The following SYT16 variants were observed in gnomAD, a reference collection of about 807,000 sequenced individuals.
SYT16 encodes the protein synaptotagmin 16, also known as synaptotagmin-16.
A neutral mutation model predicts 61.4 loss-of-function variants in SYT16; 42 were observed. That is an observed-to-expected ratio of 0.68 (90% confidence interval 0.53 to 0.89). The LOEUF is 0.89. Among genes scored for constraint, SYT16 ranks in the 40% least tolerant of loss-of-function variants. The probability of loss-of-function intolerance (pLI) is 0.00; values close to 1 mark genes in which losing one functional copy is unlikely to be tolerated. For missense variants in SYT16, 804 were observed against 807.3 expected (o/e 1.00, Z 0.05); for synonymous variants, 314 against 302.3 (o/e 1.04, Z -0.40).
intron 7 of SYT16, among the ~76,000 whole-genome samples, chr14:62,097,451 G>T (rs893173912): frequency 6.6e-6 from 1 of 152,144 alleles, no homozygotes; most frequent in Non-Finnish European, 1.5e-5. Flanking sequence ...TCTCCATTCA[G>T]TCTGACTGGT....
intron 1 of SYT16, among the ~76,000 whole-genome samples, chr14:61,935,736 A>C (rs573309753): frequency 6.6e-6 from 1 of 152,254 alleles, no homozygotes; most frequent in Admixed American, 6.5e-5. Flanking sequence ...AGTTAGAAGG[A>C]TGTTTCTGGT....
intron 3 of SYT16, among the ~76,000 whole-genome samples, chr14:62,035,681 T>C (rs1323389336): frequency 6.6e-6 from 1 of 152,184 alleles, no homozygotes; most frequent in Non-Finnish European, 1.5e-5. Flanking sequence ...CACTTTCCTA[T>C]AAAAGTTGGG....
At chr14:62,086,615 T>C (rs1162079214) in intron 7 of SYT16, among the ~76,000 whole-genome samples, 1 of 152,228 alleles carries the variant, frequency 6.6e-6, no homozygotes, top group African/African-American at 2.4e-5. Flanking sequence ...CTGTAATACA[T>C]GCAAAACTGT....
At chr14:62,085,795 G>T (rs1289031285) in intron 7 of SYT16, among the ~76,000 whole-genome samples, 1 of 152,180 alleles carries the variant, frequency 6.6e-6, no homozygotes. Flanking sequence ...GGGCTATTTA[G>T]AATGCATAAT....
chr14:61,972,416 TAAC>T (rs1229976135), intron 2 of SYT16, among the ~76,000 whole-genome samples: 1 of 152,156 alleles, frequency 6.6e-6, no homozygotes, highest in Non-Finnish European at 1.5e-5. Context: ...GTTGAAACAA[TAAC>T]AATAAAGCAT....
At chr14:61,913,703 T>TG (rs1385303321) in intron 1 of SYT16, among the ~76,000 whole-genome samples, 19 of 125,256 alleles carry the variant, frequency 1.5e-4, no homozygotes, top group East Asian at 1.2e-3. Context: ...TCTTTGGGTC[T>TG]TTGTGTGTGT....
chr14:61,856,427 A>G (rs1431964481), intron 1 of SYT16, among the ~76,000 whole-genome samples: 1 of 152,196 alleles, frequency 6.6e-6, no homozygotes, highest in African/African-American at 2.4e-5. Flanking sequence ...CACATATACT[A>G]TTTAATACAT....
intron 1 of SYT16, among the ~76,000 whole-genome samples, chr14:61,840,398 G>C (rs2046268871): frequency 6.6e-6 from 1 of 152,132 alleles, no homozygotes; most frequent in Non-Finnish European, 1.5e-5. Flanking sequence ...AGAGTGAGTA[G>C]AGTAAGGAGA....
intron 1 of SYT16, chr14:61,832,260 G>A: frequency 3.3e-6 from 2 of 601,798 alleles, no homozygotes; most frequent in South Asian, 1.4e-5. Flanking sequence ...ATCCACATAA[G>A]CTGGGAGCGC....
At chr14:61,906,787 G>GTCCATCCATCCGTCCGTCCGTCCATCCA (rs2048737167) in intron 1 of SYT16, among the ~76,000 whole-genome samples, 1 of 142,316 alleles carries the variant, frequency 7.0e-6, no homozygotes, top group African/African-American at 2.7e-5. Flanking sequence ...CCGTCCGTCC[G>GTCCATCCATCCGTCCGTCCGTCCATCCA]TCCATCCATC....
intron 2 of SYT16, among the ~76,000 whole-genome samples, chr14:61,971,363 A>T (rs1226892580): frequency 9.0e-6 from 1 of 111,220 alleles, no homozygotes. Context: ...TTAGAATGTC[A>T]TCTCAAGGCT....
chr14:61,986,116 C>T lies in SYT16; in HGVS notation c.-144-9760C>T, dbSNP rs567366746. ...GGAACTGGCTCATGGTGCCTGATAC[C>T]TATTTTAGTGTCATTCCACTGTCTC... On this transcript the variant is annotated intron_variant, in intron 2 of 7. Coordinates refer to ENST00000683842, the MANE Select transcript of SYT16 (RefSeq NM_001367656.1). Among the ~76,000 whole-genome samples, 260 of 151,816 alleles carry T rather than the reference C, an allele frequency of 1.7e-3. 1 individual carries two copies. Among genetic ancestry groups the T allele is most frequent in the African/African-American group, 5.9e-3 (244 of 41,434 alleles).
chr14:61,873,552 T>C (rs967783807), intron 1 of SYT16, among the ~76,000 whole-genome samples: 4 of 152,238 alleles, frequency 2.6e-5, no homozygotes, highest in African/African-American at 9.7e-5. Flanking sequence ...GAATCTCTTT[T>C]GTGAATAACA....
At chr14:61,909,652 A>G (rs190435835) in intron 1 of SYT16, among the ~76,000 whole-genome samples, 3 of 152,276 alleles carry the variant, frequency 2.0e-5, no homozygotes, top group African/African-American at 7.2e-5. Context: ...AAGTAAGCTC[A>G]TAGTCACAGG....
intron 3 of SYT16, among the ~76,000 whole-genome samples, chr14:62,001,769 G>A (rs2053027347): frequency 6.6e-6 from 1 of 151,850 alleles, no homozygotes; most frequent in Non-Finnish European, 1.5e-5. Flanking sequence ...ATTTTTCTTT[G>A]TTTCATCACT....
At chr14:61,967,289 TA>T (rs1245911167) in intron 1 of SYT16, among the ~76,000 whole-genome samples, 1 of 152,222 alleles carries the variant, frequency 6.6e-6, no homozygotes, top group Non-Finnish European at 1.5e-5. Flanking sequence ...AAGGGCCTTG[TA>T]ACCTGAGTTA....
intron 3 of SYT16, among the ~76,000 whole-genome samples, chr14:62,045,316 G>C (rs1385222713): frequency 6.6e-6 from 1 of 152,036 alleles, no homozygotes; most frequent in Non-Finnish European, 1.5e-5. Context: ...TTCTATAAAA[G>C]AGCAGTCACC....
At chr14:61,985,669 T>C (rs2052276042) in intron 2 of SYT16, among the ~76,000 whole-genome samples, 1 of 152,190 alleles carries the variant, frequency 6.6e-6, no homozygotes, top group Admixed American at 6.6e-5. Context: ...CCTCATTCAT[T>C]TGACATTTTG....
At chr14:61,884,000 G>C (rs925720920) in intron 1 of SYT16, among the ~76,000 whole-genome samples, 2 of 152,132 alleles carry the variant, frequency 1.3e-5, no homozygotes, top group African/African-American at 4.8e-5. Context: ...ACCTCCACCT[G>C]GTCCCACCCT....
Sources: gnomAD v4.1 joint callset for allele counts (sites outside exome capture counted in the v4.1 genomes callset) on GRCh38, gnomAD v4.1.1 for gene constraint, MANE v1.5 for transcripts, NCBI Gene and HGNC (gene_info 2026-07-23, HGNC 2026-07-21) for gene names.